DBN1: variants seen among roughly 807,000 people sequenced by gnomAD.
DBN1 encodes drebrin.
Under a neutral mutation model 83.5 loss-of-function variants are expected in DBN1, and 21 were observed. That is an observed-to-expected ratio of 0.25 (90% CI 0.18 to 0.36). The LOEUF (loss-of-function observed/expected upper bound fraction) is 0.36. Ranked by LOEUF, DBN1 falls within the 10% of genes least tolerant of loss-of-function variation. The pLI is 1.00. For missense variants in DBN1, 874 were observed against 935.7 expected, an observed-to-expected ratio of 0.93 and a Z score of 0.86; for synonymous variants, 381 against 384.9, an observed-to-expected ratio of 0.99 and a Z score of 0.12.
In DBN1 at chr5:177,466,654, G is replaced by T; in HGVS notation, c.771+118C>A. ...CTCCATGGCACCCTGTGCCCATGCA[G>T]CTCCCCAGAACAGCCACCACTGTCC... On this transcript the variant is annotated intron_variant, in intron 8 of 14. Transcript: ENST00000393565. The surrounding 1 kb of genome is among the most constrained non-coding windows in gnomAD (Gnocchi z 4.8). The T allele has an allele frequency of 8.5e-7, 1 of 1,180,392 alleles. No homozygotes were observed. Among genetic ancestry groups the T allele is most frequent in the South Asian group, 1.2e-5 (1 of 81,564 alleles). The allele number at this position is 1,180,392 out of a possible 1,614,324, so 73.1% of individuals were successfully genotyped here.
chr5:177,465,126 C>G (rs1346798076), intron 8 of DBN1, among the ~76,000 whole-genome samples: 1 of 152,114 alleles, frequency 6.6e-6, no homozygotes, highest in Non-Finnish European at 1.5e-5. Flanking sequence ...GCACTCCGGC[C>G]TGGGCGACAG....
intron 1 of DBN1, among the ~76,000 whole-genome samples, chr5:177,470,482 G>A (rs184435688): frequency 5.4e-4 from 82 of 152,144 alleles, no homozygotes; most frequent in Admixed American, 1.6e-3. Flanking sequence ...TGCTCCAGCC[G>A]CAGCTCTCCC....
chr5:177,459,953 C>T (rs1189220388), intron 10 of DBN1, among the ~76,000 whole-genome samples: 1 of 152,156 alleles, frequency 6.6e-6, no homozygotes, highest in East Asian at 1.9e-4. Flanking sequence ...CGGCCTGTGG[C>T]GGGACCCCAG....
rs553761268 is a variant in DBN1, at chr5:177,464,874, G to A, written c.771+1898C>T. ...AAAATCACTTAAACCTGGGAGGCAG[G>A]CCGGGTGCAGTGGCTCACGCCTGTA... On this transcript the variant is annotated intron_variant, in intron 8 of 14. Transcript: ENST00000393565. Among the ~76,000 whole-genome samples, 133 of 152,108 alleles carry A rather than the reference G, an allele frequency of 8.7e-4. 2 individuals are homozygous for A. Among genetic ancestry groups the A allele is most frequent in the Non-Finnish European group, 1.4e-3 (93 of 67,992 alleles).
chr5:177,463,317 A>G (rs1264945993), intron 8 of DBN1, among the ~76,000 whole-genome samples: 1 of 152,198 alleles, frequency 6.6e-6, no homozygotes, highest in African/African-American at 2.4e-5. Flanking sequence ...GATTACAGGC[A>G]TGAGCCACTG....
chr5:177,457,889 G>A, intron 13 of DBN1, 132 bp from the exon 14 acceptor site: 1 of 1,107,270 alleles, frequency 9.0e-7, no homozygotes, highest in South Asian at 1.3e-5. Context: ...TGCCTGCCTT[G>A]GGAACAAAAG....
chr5:177,458,666 TG>T lies in DBN1; in HGVS notation c.1305del (p.Arg436GlufsTer32). 6.4e-7 allele frequency: 1 copy of T among 1,571,602 alleles called. No individual in the cohort carries two copies. The highest frequency in any genetic ancestry group is 8.6e-7 in the Non-Finnish European group (1 of 1,161,374). On this transcript the variant is annotated frameshift_variant, in exon 13 of 15. Coordinates refer to ENST00000393565, the MANE Select transcript of DBN1 (RefSeq NM_001363541.2). LOFTEE classifies it high-confidence loss of function. ...EPSPILDSEE[T>X]RAAAPQAWAG... The stretch of plus-strand genomic sequence containing the variant: ...GCCCAGGCCTGAGGGGCTGCTGCTC[TG>T]GTCTCCTCACTGTCTAGGATGGGGC...
rs1000983072 is a variant in DBN1, at chr5:177,468,433, A to G, written c.143-213T>C. Reference sequence around the variant, plus strand: ...TTGCCTGTGACTCCTGCAGGGCCTGATTTGGGGGTAGGACTGAGGAAGTGT... The same window carrying G: ...TTGCCTGTGACTCCTGCAGGGCCTGGTTTGGGGGTAGGACTGAGGAAGTGT... On this transcript the variant is annotated intron_variant, in intron 2 of 14. Coordinates refer to ENST00000393565, the MANE Select transcript of DBN1 (RefSeq NM_001363541.2). 3 of 591,840 alleles carry G rather than the reference A, an allele frequency of 5.1e-6. No homozygotes were observed. In the African/African-American group the frequency reaches 5.6e-5, roughly 11 times the overall value. The allele number at this position is 591,840 out of a possible 1,614,324, so 36.7% of individuals were successfully genotyped here. A position where few individuals can be genotyped will look rare whatever the true frequency, so the allele number is the denominator to read the frequency against.
In DBN1 at chr5:177,458,109, C is replaced by T. The variant is rs138973815; in HGVS notation, c.1863G>A (p.Pro621=). The T allele has an allele frequency of 2.2e-5, 36 of 1,613,604 alleles. No individual in the cohort carries two copies. Among genetic ancestry groups the T allele is most frequent in the African/African-American group, 4.0e-5 (3 of 74,912 alleles). The change falls in exon 13 of 15, where the codon CCG becomes CCA. Residue 621 remains proline, a synonymous_variant. Coordinates refer to ENST00000393565, the MANE Select transcript of DBN1 (RefSeq NM_001363541.2). The stretch of plus-strand genomic sequence containing the variant: ...CGCCATTGGTTAGCAGGTGGGGCTC[C>T]GGCTCCTGCTCTTGCTCCAGCTCCT... ...ALEELEQEQE[P]EPHLLTNGET... is the part of the protein sequence containing the mutation.
chr5:177,465,941 G>A (rs1053032719), intron 8 of DBN1, among the ~76,000 whole-genome samples: 2 of 152,030 alleles, frequency 1.3e-5, no homozygotes, highest in Non-Finnish European at 2.9e-5. Context: ...TATGTGGCAG[G>A]TGGCAGGTGT....
Position 177,463,890 on chromosome 5 carries a change from G to A in DBN1, c.771+2882C>T, listed in dbSNP as rs565876552. Among the ~76,000 whole-genome samples the A allele has an allele frequency of 3.3e-5, 5 of 152,216 alleles. No homozygotes were observed. The South Asian group carries it at 1.0e-3, about 32-fold the overall frequency. On this transcript the variant is annotated intron_variant, in intron 8 of 14. Coordinates refer to ENST00000393565, the MANE Select transcript of DBN1 (RefSeq NM_001363541.2). ...TGCACTTTGGGAGGCCGAGGTGGGAGGATCACCTGAGGTCAGGAGTTTGAG... is the reference window on the plus strand; with the variant it reads ...TGCACTTTGGGAGGCCGAGGTGGGAAGATCACCTGAGGTCAGGAGTTTGAG...
rs779857635 is a variant in DBN1, at chr5:177,457,714, G to C, written c.1958C>G (p.Ala653Gly). The change falls in exon 14 of 15, where the codon GCC becomes GGC. Residue 653 changes from alanine to glycine, a missense_variant. This residue lies in a region of DBN1 where 725 missense variants were observed against 719.7 expected (regional missense o/e 1.01). Coordinates refer to ENST00000393565, the MANE Select transcript of DBN1 (RefSeq NM_001363541.2). ...CTTGGCACAGAGCTCTTCCGATTGG[G>C]CAAACTCCTCCTCCTGTGATTGACT... ...YFSQSQEEEF[A>G]QSEELCAKAP... 5.6e-6 allele frequency: 9 copies of C among 1,612,510 alleles called. No individual in the cohort carries two copies. In the Admixed American group the frequency reaches 1.3e-4, roughly 24 times the overall value.
chr5:177,467,379 A>AC lies in DBN1; in HGVS notation c.478-48dup. The AC allele has an allele frequency of 1.2e-6, 2 of 1,613,348 alleles. No individual in the cohort carries two copies. Among genetic ancestry groups the AC allele is most frequent in the Non-Finnish European group, 1.7e-6 (2 of 1,179,570 alleles). Reference sequence around the variant, plus strand: ...CATAAGCAGGCTGAATGCCCCAGGAACCCCCGACACCTAAAGGGTGAGAGC... The same window carrying AC: ...CATAAGCAGGCTGAATGCCCCAGGAACCCCCCGACACCTAAAGGGTGAGAGC... On this transcript the variant is annotated intron_variant, in intron 5 of 14. Coordinates refer to ENST00000393565, the MANE Select transcript of DBN1 (RefSeq NM_001363541.2). This position sits in a 1 kb window ranked among gnomAD's most constrained non-coding sequence, Gnocchi z 9.1.
intron 8 of DBN1, 51 bp from the exon 9 acceptor site, chr5:177,460,754 T>C (rs747789894): frequency 3.2e-6 from 5 of 1,574,336 alleles, no homozygotes; most frequent in Middle Eastern, 1.7e-4. Flanking sequence ...ACAGGGGCTT[T>C]TGGCCTTCTT....
intron 8 of DBN1, among the ~76,000 whole-genome samples, chr5:177,461,071 C>T (rs1353583801): frequency 6.6e-6 from 1 of 150,726 alleles, no homozygotes; most frequent in Non-Finnish European, 1.5e-5. Context: ...TCATGAGCCA[C>T]CAGTGCCCGG....
intron 2 of DBN1, 29 bp from the exon 3 acceptor site, chr5:177,468,249 C>T (rs1163039232): frequency 1.9e-6 from 3 of 1,588,786 alleles, no homozygotes; most frequent in Non-Finnish European, 2.6e-6. Context: ...TGTCAGGTCT[C>T]TCTGCCTCCT....
intron 1 of DBN1, chr5:177,472,116 G>A (rs758078615): frequency 2.3e-5 from 37 of 1,607,450 alleles, no homozygotes; most frequent in Non-Finnish European, 2.9e-5. Context: ...TCCTGTGACT[G>A]ACCTGCAGGA....
chr5:177,470,978 CTCAG>C (rs1757803441), intron 1 of DBN1, among the ~76,000 whole-genome samples: 1 of 152,240 alleles, frequency 6.6e-6, no homozygotes, highest in African/African-American at 2.4e-5. Context: ...GGAACGCTGA[CTCAG>C]TCAATCAGCA....
intron 2 of DBN1, chr5:177,468,437 G>T (rs1373160195): frequency 3.4e-6 from 2 of 591,750 alleles, no homozygotes; most frequent in South Asian, 2.1e-5. Context: ...GGCCTGATTT[G>T]GGGGTAGGAC....
Sources: allele counts gnomAD v4.1 joint callset (sites outside exome capture counted in the v4.1 genomes callset), GRCh38; gene constraint gnomAD v4.1.1; regional missense constraint gnomAD v4.1.1; non-coding constraint Gnocchi (gnomAD v3.1); transcripts MANE v1.5; gene names NCBI Gene and HGNC (gene_info 2026-07-23, HGNC 2026-07-21).